Variants in HMGA2 observed in about 807,000 individuals in gnomAD.
HMGA2 encodes high mobility group AT-hook 2, also known as high mobility group protein HMGI-C.
A neutral mutation model predicts 19.1 loss-of-function variants in HMGA2; 8 were observed. The ratio of observed to expected loss-of-function variants is 0.42; its 90% CI spans 0.25 to 0.76. The LOEUF (loss-of-function observed/expected upper bound fraction) is 0.76. Ranked by LOEUF, HMGA2 falls within the 30% of genes least tolerant of loss-of-function variation. The pLI is 0.28. For missense variants in HMGA2, 109 were observed against 136.3 expected, an observed-to-expected ratio of 0.80 and a Z score of 1.00; for synonymous variants, 60 against 48.8, an observed-to-expected ratio of 1.23 and a Z score of -0.96.
intron 3 of HMGA2, among the ~76,000 whole-genome samples, chr12:65,908,717 A>G (rs1443489083): frequency 6.6e-6 from 1 of 152,184 alleles, no homozygotes; most frequent in African/African-American, 2.4e-5. Flanking sequence ...CTATGTTTTT[A>G]ACCATTGTAA....
intron 3 of HMGA2, among the ~76,000 whole-genome samples, chr12:65,901,738 G>T (rs549522050): frequency 3.3e-5 from 5 of 151,882 alleles, no homozygotes; most frequent in African/African-American, 1.2e-4. Context: ...AGATCCTGAC[G>T]TTAAACATTT....
intron 3 of HMGA2, among the ~76,000 whole-genome samples, chr12:65,840,564 C>A (rs762951903): frequency 1.3e-5 from 2 of 152,288 alleles, no homozygotes; most frequent in Middle Eastern, 3.4e-3. Context: ...GAGGAAGCTG[C>A]AAGGCCTTTT....
intron 3 of HMGA2, among the ~76,000 whole-genome samples, chr12:65,875,412 T>A (rs1041602553): frequency 1.3e-4 from 20 of 151,896 alleles, no homozygotes; most frequent in African/African-American, 4.8e-4. Context: ...TTTTCATATA[T>A]TCAGTTTTGT....
intron 2 of HMGA2, among the ~76,000 whole-genome samples, chr12:65,830,425 T>C (rs1252079600): frequency 6.6e-6 from 1 of 151,962 alleles, no homozygotes; most frequent in Non-Finnish European, 1.5e-5. Flanking sequence ...ACATACCCTG[T>C]GAGACTGACC....
chr12:65,845,944 C>T (rs76037682), intron 3 of HMGA2, among the ~76,000 whole-genome samples: 3 of 152,222 alleles, frequency 2.0e-5, no homozygotes, highest in African/African-American at 7.2e-5. Flanking sequence ...TCTCCTCCCC[C>T]CTGCTGCCTG....
At chr12:65,902,338 C>G (rs1349850648) in intron 3 of HMGA2, among the ~76,000 whole-genome samples, 1 of 152,114 alleles carries the variant, frequency 6.6e-6, no homozygotes, top group Admixed American at 6.5e-5. Context: ...GCACATTCCT[C>G]AAAACTAATC....
chr12:65,883,858 A>G (rs1221025087), intron 3 of HMGA2, among the ~76,000 whole-genome samples: 1 of 152,194 alleles, frequency 6.6e-6, no homozygotes, highest in Non-Finnish European at 1.5e-5. Flanking sequence ...GGGAAAAATA[A>G]TCTCGTGGTT....
intron 2 of HMGA2, chr12:65,830,752 G>C (rs1485080835): frequency 4.0e-5 from 6 of 151,886 alleles, no homozygotes; most frequent in Admixed American, 1.3e-4. Context: ...GCAAGACCAA[G>C]TGAATGACTA....
intron 2 of HMGA2, among the ~76,000 whole-genome samples, chr12:65,835,240 A>G (rs1339422799): frequency 6.6e-6 from 1 of 152,218 alleles, no homozygotes; most frequent in Admixed American, 6.5e-5. Context: ...GAAAAATAAT[A>G]TCCTGAAGAG....
intron 3 of HMGA2, among the ~76,000 whole-genome samples, chr12:65,943,842 T>C (rs1876171347): frequency 6.6e-6 from 1 of 152,190 alleles, no homozygotes; most frequent in African/African-American, 2.4e-5. Flanking sequence ...GCACAATGAA[T>C]GGAAGTTAAG....
chr12:65,873,149 A>G (rs984412281), intron 3 of HMGA2, among the ~76,000 whole-genome samples: 9 of 152,220 alleles, frequency 5.9e-5, no homozygotes, highest in African/African-American at 2.2e-4. Flanking sequence ...TTACCCGTCT[A>G]CTATAATTAT....
intron 3 of HMGA2, among the ~76,000 whole-genome samples, chr12:65,880,305 G>A (rs973295607): frequency 9.9e-5 from 15 of 152,192 alleles, no homozygotes; most frequent in African/African-American, 3.6e-4. Flanking sequence ...CTAATGGCAT[G>A]ATTGTTTTTT....
intron 2 of HMGA2, chr12:65,828,372 C>A (rs1460121): frequency 2.1e-5 from 3 of 144,846 alleles, no homozygotes; most frequent in African/African-American, 2.9e-5. Flanking sequence ...GAAGGGGTTG[C>A]GGGGGGGGCG....
intron 3 of HMGA2, chr12:65,881,798 G>A (rs1020026062): frequency 2.8e-6 from 2 of 703,062 alleles, no homozygotes; most frequent in Admixed American, 4.0e-5. Flanking sequence ...CCCGGAACTG[G>A]CCTTGCGCGC....
At chr12:65,940,113 G>C (rs1191320873) in intron 3 of HMGA2, among the ~76,000 whole-genome samples, 8 of 148,086 alleles carry the variant, frequency 5.4e-5, no homozygotes, top group African/African-American at 1.7e-4. Flanking sequence ...AAACAAGAGA[G>C]AAAAAAAAAC....
Position 65,963,989 on chromosome 12 carries a change from C to A in HMGA2, c.*697C>A, listed in dbSNP as rs1355876255. On this transcript the variant is annotated 3_prime_UTR_variant, in exon 5 of 5. Transcript: ENST00000403681. Reference sequence around the variant, plus strand: ...AGTAAGCAAACAAATATTGCCAACTCTTCTATTTATGGATATCACACATAT... The same window carrying A: ...AGTAAGCAAACAAATATTGCCAACTATTCTATTTATGGATATCACACATAT... 4.8e-6 allele frequency: 1 copy of A among 208,728 alleles called. No homozygotes were observed. Among genetic ancestry groups the A allele is most frequent in the East Asian group, 7.3e-5 (1 of 13,624 alleles). 12.9% of individuals were successfully genotyped at this position (208,728 alleles called of 1,614,324 possible).
intron 3 of HMGA2, among the ~76,000 whole-genome samples, chr12:65,938,518 A>C (rs1391593561): frequency 6.6e-6 from 1 of 152,200 alleles, no homozygotes; most frequent in Non-Finnish European, 1.5e-5. Context: ...TATGTCTTTT[A>C]AAATACACTC....
chr12:65,879,228 G>A (rs1873222642), intron 3 of HMGA2, among the ~76,000 whole-genome samples: 1 of 152,154 alleles, frequency 6.6e-6, no homozygotes, highest in African/African-American at 2.4e-5. Context: ...CCCAGGCTCT[G>A]GTGGTCCTCC....
intron 3 of HMGA2, chr12:65,874,261 A>G (rs1872858618): frequency 1.3e-5 from 2 of 150,654 alleles, no homozygotes; most frequent in South Asian, 4.2e-4. Flanking sequence ...AATATAAATA[A>G]TAAAGCTATA....
Sources: gnomAD v4.1 joint callset for allele counts (sites outside exome capture counted in the v4.1 genomes callset) on GRCh38, gnomAD v4.1.1 for gene constraint, MANE v1.5 for transcripts, NCBI Gene and HGNC (gene_info 2026-07-23, HGNC 2026-07-21) for gene names.